Variants in CENPQ observed in about 807,000 individuals in gnomAD.
CENPQ encodes the protein chromosome 6 open reading frame 139.
CENPQ carries 27 observed loss-of-function variants against 36.6 expected under a neutral mutation model. The ratio of observed to expected loss-of-function variants is 0.74; its 90% CI spans 0.54 to 1.02. The LOEUF (loss-of-function observed/expected upper bound fraction) is 1.02. CENPQ is among the 50% of genes least tolerant of loss of function. CENPQ has a pLI of 0.00. For synonymous variants in CENPQ, 101 were observed against 101.7 expected (o/e 0.99, Z 0.04); for missense variants, 306 against 301.8 (o/e 1.01, Z -0.10).
rs189624738 is a variant in CENPQ, at chr6:49,472,442, A to G, written c.278+259A>G. On this transcript the variant is annotated intron_variant, in intron 4 of 8. Coordinates refer to ENST00000335783, the MANE Select transcript of CENPQ (RefSeq NM_018132.4). ...ATCAATAAAATTTTAATTTTTGTCAATAGAGATTCTTTAGGAAGAAGTTGA... is the reference window on the plus strand; with the variant it reads ...ATCAATAAAATTTTAATTTTTGTCAGTAGAGATTCTTTAGGAAGAAGTTGA... Among the ~76,000 whole-genome samples the G allele has an allele frequency of 2.0e-5, 3 of 152,280 alleles. No homozygotes were observed. In the East Asian group the frequency reaches 5.8e-4, roughly 29 times the overall value.
intron 5 of CENPQ, among the ~76,000 whole-genome samples, chr6:49,477,511 C>T (rs542615785): frequency 2.3e-4 from 34 of 149,818 alleles, no homozygotes; most frequent in African/African-American, 8.4e-4. Flanking sequence ...CACATGTATA[C>T]ATATGTAACA....
intron 1 of CENPQ, among the ~76,000 whole-genome samples, chr6:49,466,436 G>T (rs1440924936): frequency 2.0e-5 from 3 of 152,152 alleles, no homozygotes; most frequent in African/African-American, 7.2e-5. Flanking sequence ...TGTCTGCGAG[G>T]CTCAATAAAG....
Position 49,464,532 on chromosome 6 carries a change from G to A in CENPQ, c.-19+1079G>A, listed in dbSNP as rs150215820. ...CTGTAGCATGTGATGCTGTTTGAAA[G>A]CATTTTACCCACTGTAGAACTTCTT... On this transcript the variant is annotated intron_variant, in intron 1 of 8. Transcript: ENST00000335783. Among the ~76,000 whole-genome samples, 1,234 of 152,300 alleles carry A rather than the reference G, an allele frequency of 8.1e-3. 14 individuals are homozygous for A. The highest frequency in any genetic ancestry group is 0.026 in the African/African-American group (1,088 of 41,548).
intron 8 of CENPQ, among the ~76,000 whole-genome samples, chr6:49,491,915 C>CA (rs976291614): frequency 5.9e-5 from 9 of 151,824 alleles, no homozygotes; most frequent in African/African-American, 1.2e-4. Flanking sequence ...AACTCCACCT[C>CA]AAAAAAACAA....
chr6:49,470,728 A>T (rs1368749333), intron 2 of CENPQ, among the ~76,000 whole-genome samples: 2 of 151,952 alleles, frequency 1.3e-5, no homozygotes, highest in Non-Finnish European at 2.9e-5. Flanking sequence ...GTAATAATTC[A>T]TTTAAAACAT....
At chr6:49,479,720 C>T (rs1391268425) in intron 5 of CENPQ, among the ~76,000 whole-genome samples, 5 of 151,948 alleles carry the variant, frequency 3.3e-5, no homozygotes, top group Non-Finnish European at 5.9e-5. Context: ...ATAGAATCAA[C>T]CTAAAGGCCT....
intron 6 of CENPQ, among the ~76,000 whole-genome samples, 154 bp downstream of exon 6, chr6:49,481,234 TA>T (rs1768421345): frequency 1.3e-5 from 2 of 152,182 alleles, no homozygotes; most frequent in South Asian, 4.1e-4. Context: ...TTGTTTTCAT[TA>T]AAGCAAAAAT....
Position 49,472,825 on chromosome 6 carries a change from A to T in CENPQ, c.314A>T (p.Glu105Val). Residue 105 changes from glutamate (E) to valine (V), a missense_variant, in exon 5 of 9, where the codon GAA (glutamate) becomes GTA (valine). Glu to Val is a moderately radical substitution (Grantham distance 121). Coordinates refer to ENST00000335783, the MANE Select transcript of CENPQ (RefSeq NM_018132.4). ...ILSNSIKEKEEIQYHLNFLKK... is the reference protein window; with the variant it reads ...ILSNSIKEKEVIQYHLNFLKK... ...AGTAACAGTATTAAAGAAAAAGAAG[A>T]AATACAATACCATCTCAACTTCCTG... 6.9e-7 allele frequency: 1 copy of T among 1,459,544 alleles called. No homozygotes were observed. 90.4% of individuals were successfully genotyped at this position (1,459,544 alleles called of 1,614,324 possible). A position where few individuals can be genotyped will look rare whatever the true frequency, so the allele number is the denominator to read the frequency against.
intron 2 of CENPQ, 126 bp from the exon 3 acceptor site, chr6:49,470,848 A>G (rs1581844537): frequency 6.5e-6 from 3 of 461,890 alleles, no homozygotes; most frequent in East Asian, 7.0e-5. Flanking sequence ...AGCAACATAC[A>G]TTTTTTCTAT....
chr6:49,472,324 G>C, intron 4 of CENPQ, 141 bp downstream of exon 4: 1 of 656,550 alleles, frequency 1.5e-6, no homozygotes, highest in Non-Finnish European at 2.2e-6. Context: ...TTAATGTGAC[G>C]GTATTTGCCT....
At chr6:49,488,164 C>T (rs1768633392) in intron 6 of CENPQ, among the ~76,000 whole-genome samples, 188 bp from the exon 7 acceptor site, 1 of 152,118 alleles carries the variant, frequency 6.6e-6, no homozygotes, top group African/African-American at 2.4e-5. Context: ...CACATTAATA[C>T]CTTGACATAC....
rs745552405 is a variant in CENPQ at position 49,472,178 on chromosome 6, A to G, written c.273A>G (p.Val91=). The change falls in exon 4 of 9, where the codon GTA becomes GTG. Residue 91 remains valine, a synonymous_variant. Transcript: ENST00000335783. ...ATTTGCAAACTATGATGGAATCAGT[A>G]ATAATGTGAGTATAAAATTGTTCCA... ...RDHLQTMMES[V]IMTILSNSIK... is the part of the protein sequence containing the mutation. 13 of 1,605,636 alleles carry G rather than the reference A, an allele frequency of 8.1e-6. No individual in the cohort carries two copies. Among genetic ancestry groups the G allele is most frequent in the Non-Finnish European group, 1.1e-5 (13 of 1,176,458 alleles).
intron 5 of CENPQ, among the ~76,000 whole-genome samples, chr6:49,475,684 C>G (rs1241810937): frequency 6.6e-6 from 1 of 152,196 alleles, no homozygotes; most frequent in Non-Finnish European, 1.5e-5. Flanking sequence ...CCCATTGTCT[C>G]AGCCCAAAAT....
Position 49,466,440 on chromosome 6 carries a change from A to C in CENPQ, c.-19+2987A>C, listed in dbSNP as rs192574150. On this transcript the variant is annotated intron_variant, in intron 1 of 8. Transcript: ENST00000335783. ...ACAAAATACAGTGTCTGCGAGGCTC[A>C]ATAAAGTGAAACACAATAAAAAGAG... Among the ~76,000 whole-genome samples, 565 of 152,360 alleles carry C rather than the reference A, an allele frequency of 3.7e-3. 1 individual carries two copies. Among genetic ancestry groups the C allele is most frequent in the African/African-American group, 0.013 (544 of 41,580 alleles).
At position 49,488,961 on chromosome 6, in the gene CENPQ, G is replaced by A. The variant is rs1226318369; in HGVS notation, c.675+277G>A. ...CAATCATCTGCACCTTCAGCAGGTC[G>A]TAATCTTTTTGCCAGTGGAGGGTCT... On this transcript the variant is annotated intron_variant, in intron 8 of 8. Transcript: ENST00000335783. Among the ~76,000 whole-genome samples, 6 of 151,756 alleles carry A rather than the reference G, an allele frequency of 4.0e-5. No individual in the cohort carries two copies. In the East Asian group the frequency reaches 7.7e-4, roughly 20 times the overall value.
At chr6:49,481,832 TCAGCCC>T (rs1224176384) in intron 6 of CENPQ, among the ~76,000 whole-genome samples, 2 of 139,614 alleles carry the variant, frequency 1.4e-5, no homozygotes, top group Admixed American at 7.0e-5. Flanking sequence ...CCAGCACTCC[TCAGCCC>T]TTGGGTGGTC....
At chr6:49,473,771 C>G (rs1313619128) in intron 5 of CENPQ, among the ~76,000 whole-genome samples, 2 of 152,118 alleles carry the variant, frequency 1.3e-5, no homozygotes, top group Non-Finnish European at 2.9e-5. Context: ...ATTCAGGAGA[C>G]CCATCTCATG....
rs1157261928 is a variant in CENPQ at position 49,473,942 on chromosome 6, G to T, written c.347+1084G>T. 1.2e-3 allele frequency among the ~76,000 whole-genome samples: 188 copies of T among 152,246 alleles called. 1 individual carries two copies. Among genetic ancestry groups the T allele is most frequent in the Non-Finnish European group, 1.9e-3 (132 of 68,010 alleles). On this transcript the variant is annotated intron_variant, in intron 5 of 8. Coordinates refer to ENST00000335783, the MANE Select transcript of CENPQ (RefSeq NM_018132.4). Reference sequence around the variant, plus strand: ...AAAGAAGACCGTTAATAATAGTAAAGGGATCAATTCAACAAGAAGAGCTAA... The same window carrying T: ...AAAGAAGACCGTTAATAATAGTAAATGGATCAATTCAACAAGAAGAGCTAA...
chr6:49,485,932 T>G (rs2127427640), intron 6 of CENPQ, among the ~76,000 whole-genome samples: 1 of 152,294 alleles, frequency 6.6e-6, no homozygotes, highest in South Asian at 2.1e-4. Context: ...CTTTTGTTCA[T>G]TCAATGCTGT....
Sources: allele counts gnomAD v4.1 joint callset (sites outside exome capture counted in the v4.1 genomes callset), GRCh38; gene constraint gnomAD v4.1.1; transcripts MANE v1.5; gene names NCBI Gene and HGNC (gene_info 2026-07-23, HGNC 2026-07-21).